Variants in IL1A observed in about 807,000 individuals in gnomAD.
IL1A encodes interleukin-1 alpha.
In IL1A, 16 loss-of-function variants were observed where a neutral mutation model predicts 22.2. The ratio of observed to expected loss-of-function variants is 0.72; its 90% CI spans 0.49 to 1.09. The LOEUF (loss-of-function observed/expected upper bound fraction) is 1.09. Ranked by LOEUF, IL1A falls within the 50% of genes least tolerant of loss-of-function variation. The pLI, the probability that IL1A is intolerant of heterozygous loss-of-function variation, is 0.00. For synonymous variants in IL1A, 113 were observed against 118.5 expected, an observed-to-expected ratio of 0.95 and a Z score of 0.30; for missense variants, 317 against 321.8, an observed-to-expected ratio of 0.99 and a Z score of 0.11.
At position 112,783,764 on chromosome 2, in the gene IL1A, T is replaced by C. The variant is rs750126688; in HGVS notation, c.7A>G (p.Lys3Glu). MA[K>E]VPDMFEDLKN... Reference sequence around the variant, plus strand: ...AGGTCTTCAAACATGTCTGGAACTTTGGCCATCTTGACTTCTGCAACAGAG... The same window carrying C: ...AGGTCTTCAAACATGTCTGGAACTTCGGCCATCTTGACTTCTGCAACAGAG... The change falls in exon 2 of 7, where the codon AAA (lysine) becomes GAA (glutamate). Residue 3 changes from lysine to glutamate, a missense_variant. Coordinates refer to ENST00000263339, the MANE Select transcript of IL1A (RefSeq NM_000575.5). The C allele has an allele frequency of 1.2e-6, 2 of 1,613,982 alleles. No individual in the cohort carries two copies. The highest frequency in any genetic ancestry group is 1.3e-5 in the African/African-American group (1 of 74,930).
At chr2:112,779,218 A>G (rs968864010) in intron 5 of IL1A, among the ~76,000 whole-genome samples, 10 of 152,158 alleles carry the variant, frequency 6.6e-5, no homozygotes, top group Admixed American at 2.6e-4. Flanking sequence ...GAATGTCTGA[A>G]AGAACCAAAG....
At chr2:112,776,432 A>C (rs1456063074) in intron 6 of IL1A, among the ~76,000 whole-genome samples, 1 of 138,040 alleles carries the variant, frequency 7.2e-6, no homozygotes, top group Non-Finnish European at 1.6e-5. Flanking sequence ...TGAATGTCCC[A>C]AAAACCCACA....
intron 2 of IL1A, among the ~76,000 whole-genome samples, chr2:112,783,490 C>A (rs1280222398): frequency 1.5e-4 from 23 of 152,154 alleles, no homozygotes; most frequent in Admixed American, 1.5e-3. Flanking sequence ...GCTCAGCAGA[C>A]CTCAAAAATA....
chr2:112,780,218 T>C (rs571627338), intron 4 of IL1A, among the ~76,000 whole-genome samples: 1 of 152,304 alleles, frequency 6.6e-6, no homozygotes, highest in South Asian at 2.1e-4. Context: ...AAACGGGCAC[T>C]CTAAAATGTC....
intron 6 of IL1A, among the ~76,000 whole-genome samples, chr2:112,776,127 C>T (rs548156736): frequency 8.1e-4 from 123 of 152,256 alleles, no homozygotes; most frequent in African/African-American, 2.8e-3. Flanking sequence ...TTACCCCACC[C>T]CCATGACTGC....
intron 6 of IL1A, 75 bp downstream of exon 6, chr2:112,777,912 G>C: frequency 4.1e-6 from 6 of 1,461,500 alleles, no homozygotes; most frequent in Non-Finnish European, 5.7e-6. Flanking sequence ...CTTGTTAGAG[G>C]TGTCTGCCTA....
Position 112,777,283 on chromosome 2 carries a change from T to C in IL1A, c.615+704A>G, listed in dbSNP as rs541834601. The stretch of plus-strand genomic sequence containing the variant: ...CTCTCAGTGAATAATGCTTGTTGAA[T>C]GAGTTCATGAATGAAGCTACTGCCC... On this transcript the variant is annotated intron_variant, in intron 6 of 6. Coordinates refer to ENST00000263339, the MANE Select transcript of IL1A (RefSeq NM_000575.5). Among the ~76,000 whole-genome samples, 4 of 152,384 alleles carry C rather than the reference T, an allele frequency of 2.6e-5. No homozygotes were observed. The South Asian group carries it at 8.3e-4, about 32-fold the overall frequency.
intron 6 of IL1A, among the ~76,000 whole-genome samples, chr2:112,775,796 A>G (rs535441440): frequency 2.4e-4 from 36 of 152,270 alleles, no homozygotes; most frequent in Middle Eastern, 3.4e-3. Flanking sequence ...AAAATTCCTA[A>G]GTATATCAGT....
At chr2:112,782,560 G>A (rs933477527) in intron 3 of IL1A, among the ~76,000 whole-genome samples, 156 bp downstream of exon 3, 2 of 152,234 alleles carry the variant, frequency 1.3e-5, no homozygotes, top group East Asian at 3.8e-4. Context: ...AGTTTAGAGA[G>A]GCAGCTGGTC....
chr2:112,782,574 C>T, intron 3 of IL1A, 142 bp downstream of exon 3: 1 of 640,262 alleles, frequency 1.6e-6, no homozygotes, highest in Non-Finnish European at 2.8e-6. Flanking sequence ...GCTGGTCTCA[C>T]TTATAATGAA....
intron 6 of IL1A, 76 bp downstream of exon 6, chr2:112,777,911 G>T: frequency 6.9e-7 from 1 of 1,455,790 alleles, no homozygotes; most frequent in Non-Finnish European, 9.5e-7. Context: ...CCTTGTTAGA[G>T]GTGTCTGCCT....
At chr2:112,776,088 TTCTG>T (rs1432205120) in intron 6 of IL1A, among the ~76,000 whole-genome samples, 3 of 152,206 alleles carry the variant, frequency 2.0e-5, no homozygotes, top group African/African-American at 7.2e-5. Context: ...TATAACCCAA[TTCTG>T]TCTGTTTCTT....
At chr2:112,778,943 T>C (rs1027029113) in intron 5 of IL1A, among the ~76,000 whole-genome samples, 3 of 152,206 alleles carry the variant, frequency 2.0e-5, no homozygotes, top group Non-Finnish European at 2.9e-5. Flanking sequence ...AACTAAAACA[T>C]GTCCGCCATG....
intron 4 of IL1A, among the ~76,000 whole-genome samples, chr2:112,780,978 C>G (rs1016642702): frequency 1.1e-4 from 17 of 151,840 alleles, no homozygotes; most frequent in African/African-American, 3.9e-4. Flanking sequence ...CGAGATTGCG[C>G]CACTGCACTC....
chr2:112,779,743 G>T, intron 4 of IL1A, 77 bp from the exon 5 acceptor site: 1 of 1,049,282 alleles, frequency 9.5e-7, no homozygotes, highest in East Asian at 2.6e-5. Flanking sequence ...TACAAACAGG[G>T]AAAATAGTTC....
intron 4 of IL1A, among the ~76,000 whole-genome samples, chr2:112,781,086 G>A (rs1024478996): frequency 1.3e-5 from 2 of 152,034 alleles, no homozygotes; most frequent in Admixed American, 1.3e-4. Context: ...TGCTTACTTT[G>A]TACCAGACAT....
rs1353938951 is a variant in IL1A at position 112,775,285 on chromosome 2, G to T, written c.616-18C>A. On this transcript the variant is annotated intron_variant, in intron 6 of 6. Coordinates refer to ENST00000263339, the MANE Select transcript of IL1A (RefSeq NM_000575.5). The stretch of plus-strand genomic sequence containing the variant: ...GGCATCTCCTATGAAGAAAAGAAGA[G>T]AATTCTGTTAGAGAACAAGATGGTA... The T allele has an allele frequency of 4.4e-6, 7 of 1,599,592 alleles. No homozygotes were observed. The highest frequency in any genetic ancestry group is 4.0e-5 in the African/African-American group (3 of 74,574).
Position 112,781,676 on chromosome 2 carries a change from T to G in IL1A, c.247A>C (p.Lys83Gln), listed in dbSNP as rs1242405995. ...VVATNGKVLK[K>Q]RRLSLSQSIT... ...GATTGGCTTAAACTCAACCGTCTCTTCTTCAGAACCTTCCCGTTGGTTGCT... is the reference window on the plus strand; with the variant it reads ...GATTGGCTTAAACTCAACCGTCTCTGCTTCAGAACCTTCCCGTTGGTTGCT... Residue 83 changes from lysine to glutamine, a missense_variant, in exon 4 of 7, where the codon AAG becomes CAG. Physicochemically the swap from Lys to Gln is moderately conservative, Grantham distance 53. Transcript: ENST00000263339. 2 of 1,614,230 alleles carry G rather than the reference T, an allele frequency of 1.2e-6. No individual in the cohort carries two copies. The highest frequency in any genetic ancestry group is 1.7e-6 in the Non-Finnish European group (2 of 1,180,042).
At chr2:112,780,756 G>C (rs879696064) in intron 4 of IL1A, among the ~76,000 whole-genome samples, 12 of 147,170 alleles carry the variant, frequency 8.2e-5, no homozygotes, top group Non-Finnish European at 1.5e-4. Flanking sequence ...AATAATCATA[G>C]GCCGGGCGCG....
Sources: gnomAD v4.1 joint callset for allele counts (sites outside exome capture counted in the v4.1 genomes callset) on GRCh38, gnomAD v4.1.1 for gene constraint, MANE v1.5 for transcripts, NCBI Gene and HGNC (gene_info 2026-07-23, HGNC 2026-07-21) for gene names.